Variants in ARID1B observed in about 807,000 individuals in gnomAD.
ARID1B encodes AT-rich interaction domain 1B, also known as AT-rich interactive domain-containing protein 1B.
In ARID1B, 30 loss-of-function variants were observed where a neutral mutation model predicts 212.3. The observed-to-expected ratio is 0.14, with a 90% CI of 0.11 to 0.19. The LOEUF (loss-of-function observed/expected upper bound fraction) is 0.19, where lower values mean the gene tolerates loss of function less well. ARID1B is among the 10% of genes least tolerant of loss of function. The pLI is 1.00. For synonymous variants in ARID1B, 1,402 were observed against 1,301.7 expected (o/e 1.08, Z -1.66); for missense variants, 2,891 against 3,204.0 (o/e 0.90, Z 2.36).
intron 6 of ARID1B, among the ~76,000 whole-genome samples, chr6:157,118,914 T>G (rs1476775923): frequency 6.6e-6 from 1 of 152,260 alleles, no homozygotes; most frequent in Non-Finnish European, 1.5e-5. Flanking sequence ...TAAAGTGGGC[T>G]TTTAATACTT....
chr6:157,186,294 C>T (rs542584454), intron 13 of ARID1B: 1 of 357,666 alleles, frequency 2.8e-6, no homozygotes, highest in African/African-American at 2.2e-5. Flanking sequence ...GCAACATTAT[C>T]ATTTTAACTA....
chr6:156,868,569 GTCC>G (rs1785883820), intron 2 of ARID1B, among the ~76,000 whole-genome samples: 2 of 152,214 alleles, frequency 1.3e-5, no homozygotes, highest in Admixed American at 6.5e-5. Context: ...ATTGGGCTGT[GTCC>G]TCCTATGGTG....
chr6:156,892,919 T>C (rs1788053216), intron 2 of ARID1B, among the ~76,000 whole-genome samples: 1 of 152,162 alleles, frequency 6.6e-6, no homozygotes, highest in Non-Finnish European at 1.5e-5. Flanking sequence ...AATAAGTCTT[T>C]CAAAAGAATA....
chr6:156,796,787 G>T (rs1009008151), intron 1 of ARID1B, among the ~76,000 whole-genome samples: 1 of 152,208 alleles, frequency 6.6e-6, no homozygotes, highest in Admixed American at 6.5e-5. Context: ...AGTGTGTGGG[G>T]CTGGGGGAAG....
chr6:157,114,852 C>T (rs142609715), intron 6 of ARID1B, among the ~76,000 whole-genome samples: 1,699 of 152,280 alleles, frequency 0.011, 44 homozygotes, highest in African/African-American at 0.038. Flanking sequence ...TCTGAGTTCT[C>T]CCTCCAAGTC....
intron 1 of ARID1B, among the ~76,000 whole-genome samples, chr6:156,812,691 T>G (rs1189994691): frequency 6.6e-6 from 1 of 152,124 alleles, no homozygotes; most frequent in Non-Finnish European, 1.5e-5. Flanking sequence ...TTCTCAATCC[T>G]TTCTAACTCA....
chr6:156,884,980 A>G (rs1439575301), intron 2 of ARID1B, among the ~76,000 whole-genome samples: 1 of 152,210 alleles, frequency 6.6e-6, no homozygotes, highest in African/African-American at 2.4e-5. Flanking sequence ...AAATATGTCA[A>G]ATGAATAGTT....
chr6:157,158,400 A>G (rs1790704515), intron 8 of ARID1B, among the ~76,000 whole-genome samples: 2 of 152,198 alleles, frequency 1.3e-5, no homozygotes, highest in Admixed American at 6.5e-5. Flanking sequence ...AGGTTTCTAC[A>G]CAATATTGCT....
At chr6:156,877,918 G>A (rs1786693720) in intron 2 of ARID1B, among the ~76,000 whole-genome samples, 1 of 151,782 alleles carries the variant, frequency 6.6e-6, no homozygotes, top group African/African-American at 2.4e-5. Flanking sequence ...GTTTTGCCAT[G>A]TTGGCCAGGC....
intron 8 of ARID1B, among the ~76,000 whole-genome samples, chr6:157,154,665 C>T (rs1201931662): frequency 6.6e-6 from 1 of 151,012 alleles, no homozygotes; most frequent in African/African-American, 2.4e-5. Flanking sequence ...CTGCAACCTC[C>T]GCCTCCTGGT....
chr6:157,037,897 A>C (rs1303175514), intron 4 of ARID1B, among the ~76,000 whole-genome samples: 1 of 152,192 alleles, frequency 6.6e-6, no homozygotes, highest in Non-Finnish European at 1.5e-5. Flanking sequence ...GGAAAAGAGG[A>C]GCTCAAGATG....
At chr6:156,973,062 T>C (rs1481499654) in intron 4 of ARID1B, among the ~76,000 whole-genome samples, 1 of 152,216 alleles carries the variant, frequency 6.6e-6, no homozygotes, top group East Asian at 1.9e-4. Context: ...TATAACAGAC[T>C]AATAGTCTCA....
At chr6:156,949,424 A>G (rs1423613023) in intron 4 of ARID1B, among the ~76,000 whole-genome samples, 1 of 152,216 alleles carries the variant, frequency 6.6e-6, no homozygotes, top group African/African-American at 2.4e-5. Context: ...TGCCTGCCAC[A>G]TTCACAAGTG....
chr6:156,894,740 G>A (rs751090769), intron 2 of ARID1B, among the ~76,000 whole-genome samples: 3 of 152,196 alleles, frequency 2.0e-5, no homozygotes, highest in Non-Finnish European at 4.4e-5. Flanking sequence ...TAGAAACTGG[G>A]GCGTGTTTTA....
At chr6:157,158,974 C>T (rs1192409129) in intron 8 of ARID1B, among the ~76,000 whole-genome samples, 1 of 152,134 alleles carries the variant, frequency 6.6e-6, no homozygotes, top group East Asian at 1.9e-4. Flanking sequence ...GGAAACTGTG[C>T]CATTTACATC....
chr6:156,865,990 T>G (rs993326761), intron 2 of ARID1B, among the ~76,000 whole-genome samples: 1 of 152,226 alleles, frequency 6.6e-6, no homozygotes, highest in African/African-American at 2.4e-5. Flanking sequence ...CCTATTTTTA[T>G]GTTAAAGTCT....
At position 157,004,898 on chromosome 6, in the gene ARID1B, T is replaced by G. The variant is rs1301873629; in HGVS notation, c.2247+69322T>G. On this transcript the variant is annotated intron_variant, in intron 4 of 19. Transcript: ENST00000636930. ...TTTTTCTTTTTCTTCTTCTTTTTTC[T>G]TTTTTTTTTTTTTTTTTTTTTTTTT... Among the ~76,000 whole-genome samples the G allele has an allele frequency of 2.1e-3, 58 of 27,460 alleles. 9 individuals are homozygous for G. Among genetic ancestry groups the G allele is most frequent in the African/African-American group, 0.011 (45 of 3,938 alleles). The allele number at this position is 27,460 out of a possible 152,430, so 18.0% of individuals were successfully genotyped here. A position where few individuals can be genotyped will look rare whatever the true frequency, so the allele number is the denominator to read the frequency against.
intron 6 of ARID1B, among the ~76,000 whole-genome samples, chr6:157,120,774 A>G (rs1373384149): frequency 2.0e-5 from 3 of 152,156 alleles, no homozygotes; most frequent in African/African-American, 4.8e-5. Flanking sequence ...CCATGTGCCA[A>G]ATGAAAAACG....
rs1793699809 is a variant in ARID1B, at chr6:157,196,097, G to A, written c.4232-68G>A. On this transcript the variant is annotated intron_variant, in intron 15 of 19. Transcript: ENST00000636930. ...AGTCCAAAGACAATAGAGATGACTA[G>A]AAGGGATGGATGGGCCTTTGACTTT... 3 of 1,570,422 alleles carry A rather than the reference G, an allele frequency of 1.9e-6. No homozygotes were observed. The Admixed American group carries it at 5.8e-5, about 31-fold the overall frequency.
Sources: allele counts gnomAD v4.1 joint callset (sites outside exome capture counted in the v4.1 genomes callset), GRCh38; gene constraint gnomAD v4.1.1; transcripts MANE v1.5; gene names NCBI Gene and HGNC (gene_info 2026-07-23, HGNC 2026-07-21).